MAN2C1: variants seen among roughly 807,000 people sequenced by gnomAD.
MAN2C1 encodes mannosidase alpha class 2C member 1.
MAN2C1 carries 111 observed loss-of-function variants against 126.9 expected under a neutral mutation model. The observed-to-expected ratio is 0.87, with a 90% CI of 0.75 to 1.02. The LOEUF (loss-of-function observed/expected upper bound fraction) is 1.02, where lower values mean the gene tolerates loss of function less well. MAN2C1 is among the 50% of genes least tolerant of loss of function. The pLI is 0.00. For missense variants in MAN2C1, 1,363 were observed against 1,364.4 expected (o/e 1.00, Z 0.02); for synonymous variants, 567 against 561.5 (o/e 1.01, Z -0.14).
At chr15:75,363,219 T>G (rs1355855926) in intron 6 of MAN2C1, 1 of 456,400 alleles carries the variant, frequency 2.2e-6, no homozygotes, top group East Asian at 6.9e-5. Flanking sequence ...CCCTACATCT[T>G]GGCACAGCAG....
Position 75,361,493 on chromosome 15 carries a change from C to G in MAN2C1, c.1218+111G>C. 1 of 1,263,348 alleles carries G rather than the reference C, an allele frequency of 7.9e-7. No homozygotes were observed. Among genetic ancestry groups the G allele is most frequent in the Non-Finnish European group, 1.2e-6 (1 of 864,346 alleles). The allele number at this position is 1,263,348 out of a possible 1,614,324, so 78.3% of individuals were successfully genotyped here. On this transcript the variant is annotated intron_variant, in intron 10 of 25. Transcript: ENST00000267978. This position sits in a 1 kb window ranked among gnomAD's most constrained non-coding sequence, Gnocchi z 5.0. The stretch of plus-strand genomic sequence containing the variant: ...GCCTGCTATGTGACCCTGGCAGAGG[C>G]AGAGTGAGGGTTTGGTGGTCTGTCT...
At position 75,360,198 on chromosome 15, in the gene MAN2C1, T is replaced by C; in HGVS notation, c.1598A>G (p.Asn533Ser). 6.2e-7 allele frequency: 1 copy of C among 1,610,208 alleles called. No homozygotes were observed. The highest frequency in any genetic ancestry group is 8.5e-7 in the Non-Finnish European group (1 of 1,179,968). The part of the protein sequence containing the change: ...YTTHAQIKKG[N>S]RECERILHDV... Reference sequence around the variant, plus strand: ...GTGCAGGATCCGCTCACATTCCCGGTTCCCCTTCTTGATCTGAGCCCAGGA... The same window carrying C: ...GTGCAGGATCCGCTCACATTCCCGGCTCCCCTTCTTGATCTGAGCCCAGGA... Residue 533 changes from asparagine to serine, a missense_variant, in exon 14 of 26, where the codon AAC (asparagine) becomes AGC (serine). By Grantham distance (46) the Asn-to-Ser change is conservative (BLOSUM62 1). Transcript: ENST00000267978.
At chr15:75,367,956 C>G (rs2072612066) in intron 2 of MAN2C1, 117 bp downstream of exon 2, 2 of 1,323,802 alleles carry the variant, frequency 1.5e-6, no homozygotes, top group African/African-American at 1.5e-5. Flanking sequence ...GCAGAGGGTG[C>G]TGCTCGATCC....
intron 21 of MAN2C1, 141 bp downstream of exon 21, chr15:75,358,060 A>T (rs1028223160): frequency 1.9e-6 from 2 of 1,071,240 alleles, no homozygotes; most frequent in African/African-American, 1.6e-5. Context: ...TTGCCAATGT[A>T]AAGCATTTAG....
Position 75,358,615 on chromosome 15 carries a change from C to T in MAN2C1, c.2250G>A (p.Lys750=). The change falls in exon 20 of 26, where the codon AAG becomes AAA. Residue 750 remains lysine (K), a synonymous_variant. Transcript: ENST00000267978. The stretch of plus-strand genomic sequence containing the variant: ...GGGTCCCTGCCTGGCCCAGCACAGG[C>T]TTCCTATGGGACAGGGGTGGACATA... The part of the protein sequence containing the change: ...DVMDYHLETR[K]PVLGQAGTLA... 15 of 1,612,934 alleles carry T rather than the reference C, an allele frequency of 9.3e-6. No homozygotes were observed. Among genetic ancestry groups the T allele is most frequent in the Non-Finnish European group, 1.2e-5 (14 of 1,179,694 alleles).
At position 75,360,468 on chromosome 15, in the gene MAN2C1, C is replaced by T; in HGVS notation, c.1584+97G>A. On this transcript the variant is annotated intron_variant, in intron 13 of 25. Coordinates refer to ENST00000267978, the MANE Select transcript of MAN2C1 (RefSeq NM_006715.4). ...TTCTCTCCTCCAAACTTCTCTTCCC[C>T]TAGATCTGGCCTGGGCTCTGTCCCC... 6 of 1,520,230 alleles carry T rather than the reference C, an allele frequency of 3.9e-6. No homozygotes were observed. In the South Asian group the frequency reaches 5.1e-5, roughly 13 times the overall value. The allele number at this position is 1,520,230 out of a possible 1,614,324, so 94.2% of individuals were successfully genotyped here.
rs778458430 is a variant in MAN2C1 at position 75,356,826 on chromosome 15, G to C, written c.2624C>G (p.Ala875Gly). Residue 875 changes from alanine (A) to glycine (G), a missense_variant, in exon 22 of 26, where the codon GCG (alanine) becomes GGG (glycine). Physicochemically the swap from Ala to Gly is moderately conservative, Grantham distance 60. Transcript: ENST00000267978. The surrounding 1 kb of genome is among the most constrained non-coding windows in gnomAD (Gnocchi z 5.8). ...LALLNDCKYG[A>G]SVRGSILSLS... ...GCTGAGGATGCTGCCTCGCACTGAC[G>C]CGCCATACTTGCAGTCGTTGAGCAG... The C allele has an allele frequency of 7.4e-6, 12 of 1,613,958 alleles. No individual in the cohort carries two copies. The African/African-American group carries it at 1.6e-4, about 22-fold the overall frequency.
chr15:75,365,877 G>T, intron 4 of MAN2C1: 1 of 388,150 alleles, frequency 2.6e-6, no homozygotes, highest in Non-Finnish European at 5.0e-6. Flanking sequence ...CTGAGGTCAA[G>T]AATTTGAGAG....
rs2141334114 is a variant in MAN2C1, at chr15:75,362,181, A to G, written c.1008+162T>C. 1 of 696,510 alleles carries G rather than the reference A, an allele frequency of 1.4e-6. No homozygotes were observed. The highest frequency in any genetic ancestry group is 2.7e-5 in the East Asian group (1 of 36,980). The allele number at this position is 696,510 out of a possible 1,614,324, so 43.1% of individuals were successfully genotyped here. A position where few individuals can be genotyped will look rare whatever the true frequency, so the allele number is the denominator to read the frequency against. ...GCGCTGGAGGCTCTCCTCCCCCTTG[A>G]AGTCCCAGGCCTTGAGATCCCAGGG... On this transcript the variant is annotated intron_variant, in intron 8 of 25. Coordinates refer to ENST00000267978, the MANE Select transcript of MAN2C1 (RefSeq NM_006715.4). This position sits in a 1 kb window ranked among gnomAD's most constrained non-coding sequence, Gnocchi z 4.5.
intron 13 of MAN2C1, 47 bp downstream of exon 13, chr15:75,360,518 G>C (rs759049318): frequency 6.2e-7 from 1 of 1,605,344 alleles, no homozygotes; most frequent in Non-Finnish European, 8.5e-7. Context: ...ACCCTCTGCA[G>C]ATCAAGGGCA....
chr15:75,362,260 C>T lies in MAN2C1; in HGVS notation c.1008+83G>A. On this transcript the variant is annotated intron_variant, in intron 8 of 25. Transcript: ENST00000267978. This position sits in a 1 kb window ranked among gnomAD's most constrained non-coding sequence, Gnocchi z 4.5. ...GGGATGAGTGGCCCGTGGAAACTCA[C>T]CAGCAAAGCCGGGAGGGCGGGGCTA... The T allele has an allele frequency of 7.9e-7, 1 of 1,273,504 alleles. No individual in the cohort carries two copies. The highest frequency in any genetic ancestry group is 1.1e-6 in the Non-Finnish European group (1 of 889,558). 78.9% of individuals were successfully genotyped at this position (1,273,504 alleles called of 1,614,324 possible).
chr15:75,366,024 G>A, intron 4 of MAN2C1: 1 of 388,252 alleles, frequency 2.6e-6, no homozygotes, highest in Admixed American at 3.4e-5. Context: ...GAGGCAGAAG[G>A]TACAGTGAGC....
rs1182076618 is a variant in MAN2C1 at position 75,360,111 on chromosome 15, G to A, written c.1685C>T (p.Ala562Val). Residue 562 changes from alanine (A) to valine (V), a missense_variant, in exon 14 of 26, where the codon GCC becomes GTC. Around this residue, in one of 3 missense-constraint regions of MAN2C1, gnomAD observed 668 missense variants for 650.1 expected, o/e 1.03. Coordinates refer to ENST00000267978, the MANE Select transcript of MAN2C1 (RefSeq NM_006715.4). ...TGACCTCCAGAGGTGCTGCAGCTGG[G>A]CTGCTGGGTATAGGAACTGGGCACT... ...ARSAQFLYPAAQLQHLWRLLL... is the reference protein window; with the variant it reads ...ARSAQFLYPAVQLQHLWRLLL... 2 of 1,613,960 alleles carry A rather than the reference G, an allele frequency of 1.2e-6. No homozygotes were observed. The highest frequency in any genetic ancestry group is 1.7e-6 in the Non-Finnish European group (2 of 1,180,014).
In MAN2C1 at chr15:75,361,871, C is replaced by T; in HGVS notation, c.1085G>A (p.Gly362Glu). 2 of 1,614,118 alleles carry T rather than the reference C, an allele frequency of 1.2e-6. No individual in the cohort carries two copies. The highest frequency in any genetic ancestry group is 1.7e-6 in the Non-Finnish European group (2 of 1,180,030). ...QGQNFFLQEFGKMCSEFWLPD... is the reference protein window; with the variant it reads ...QGQNFFLQEFEKMCSEFWLPD... ...TCAGCCTACCTCAGAGCACATCTTC[C>T]CAAACTCCTGCAGAAAGAAGTTCTG... The change falls in exon 9 of 26, where the codon GGG becomes GAG. Residue 362 changes from glycine to glutamate, a missense_variant. Gly to Glu is a moderately conservative substitution (Grantham distance 98). Around this residue, in one of 3 missense-constraint regions of MAN2C1, gnomAD observed 628 missense variants for 609.8 expected, o/e 1.03. Transcript: ENST00000267978. The surrounding 1 kb of genome is among the most constrained non-coding windows in gnomAD (Gnocchi z 5.0).
intron 3 of MAN2C1, among the ~76,000 whole-genome samples, chr15:75,367,111 G>A (rs1330892797): frequency 1.3e-5 from 2 of 152,028 alleles, no homozygotes; most frequent in Non-Finnish European, 2.9e-5. Flanking sequence ...GAAGCTGTGT[G>A]AACCTGAGTG....
chr15:75,364,400 C>T, intron 5 of MAN2C1, 88 bp downstream of exon 5: 2 of 1,396,422 alleles, frequency 1.4e-6, no homozygotes, highest in East Asian at 2.5e-5. Context: ...ACTCTGGATT[C>T]CCAGAGTCCC....
chr15:75,360,298 AG>A, intron 13 of MAN2C1, 87 bp from the exon 14 acceptor site: 1 of 1,555,468 alleles, frequency 6.4e-7, no homozygotes, highest in South Asian at 1.2e-5. Flanking sequence ...AGAATCCCTG[AG>A]GACTCACCAA....
At chr15:75,364,381 C>A in intron 5 of MAN2C1, 107 bp downstream of exon 5, 1 of 1,354,106 alleles carries the variant, frequency 7.4e-7, no homozygotes, top group African/African-American at 1.5e-5. Flanking sequence ...AGGTGGAAAC[C>A]CTCGTCCTAC....
In MAN2C1 at chr15:75,367,583, C is replaced by T. The variant is rs2072601282; in HGVS notation, c.279G>A (p.Val93=). ...CCCAGCAAAGGTGAACTTCCTGGCC[C>T]ACCCATGCCTCTGGGATGGTCAGCT... The part of the protein sequence containing the change: ...RVELTIPEAW[V]GQEVHLCWES... The change falls in exon 3 of 26, where the codon GTG becomes GTA. Residue 93 remains valine, a synonymous_variant. Coordinates refer to ENST00000267978, the MANE Select transcript of MAN2C1 (RefSeq NM_006715.4). 3 of 1,614,202 alleles carry T rather than the reference C, an allele frequency of 1.9e-6. No individual in the cohort carries two copies.
Sources: allele counts gnomAD v4.1 joint callset (sites outside exome capture counted in the v4.1 genomes callset), GRCh38; gene constraint gnomAD v4.1.1; regional missense constraint gnomAD v4.1.1; non-coding constraint Gnocchi (gnomAD v3.1); transcripts MANE v1.5; gene names NCBI Gene and HGNC (gene_info 2026-07-23, HGNC 2026-07-21).